Variants in ULK4 observed in about 807,000 individuals in gnomAD.
ULK4 encodes unc-51 like kinase 4, also known as inactive serine/threonine-protein kinase ULK4.
Under a neutral mutation model 160.6 loss-of-function variants are expected in ULK4, and 133 were observed. The observed-to-expected ratio is 0.83, with a 90% CI of 0.72 to 0.96. ULK4 has a LOEUF of 0.96. ULK4 is among the 40% of genes least tolerant of loss of function. The pLI is 0.00. For missense variants in ULK4, 1,580 were observed against 1,499.5 expected, an observed-to-expected ratio of 1.05 and a Z score of -0.89; for synonymous variants, 534 against 539.8, an observed-to-expected ratio of 0.99 and a Z score of 0.15.
chr3:41,559,792 G>C (rs1237423768), intron 32 of ULK4, among the ~76,000 whole-genome samples: 1 of 152,070 alleles, frequency 6.6e-6, no homozygotes, highest in Admixed American at 6.6e-5. Flanking sequence ...CAGATGGGTA[G>C]ACTGCAAAGA....
At chr3:41,636,272 T>C (rs972389654) in intron 30 of ULK4, among the ~76,000 whole-genome samples, 1 of 152,192 alleles carries the variant, frequency 6.6e-6, no homozygotes. Context: ...TGGTGGCTCA[T>C]GCCTGTAATC....
At chr3:41,702,503 A>C (rs578207566) in intron 27 of ULK4, among the ~76,000 whole-genome samples, 22 of 152,352 alleles carry the variant, frequency 1.4e-4, no homozygotes, top group African/African-American at 5.1e-4. Context: ...CTAAAACATA[A>C]AAGTAGATGT....
In ULK4 at chr3:41,911,369, G is replaced by A. The variant is rs747527998; in HGVS notation, c.1033C>T (p.Arg345Trp). ...SFRLENPTEF[R>W]PKSTLEGQLN... ...TGACCCTCAAGAGTACTCTTAGGCCGAAACTCAGTTGGATTTTCTGTAGCA... is the reference window on the plus strand; with the variant it reads ...TGACCCTCAAGAGTACTCTTAGGCCAAAACTCAGTTGGATTTTCTGTAGCA... Residue 345 changes from arginine (R) to tryptophan (W), a missense_variant, in exon 11 of 37, where the codon CGG becomes TGG. Arg to Trp is a moderately radical substitution (Grantham distance 101, BLOSUM62 -3). Transcript: ENST00000301831. 56 of 1,613,942 alleles carry A rather than the reference G, an allele frequency of 3.5e-5. No homozygotes were observed. Among genetic ancestry groups the A allele is most frequent in the South Asian group, 3.0e-4 (27 of 91,052 alleles).
chr3:41,851,109 G>A (rs1269682314), intron 17 of ULK4, among the ~76,000 whole-genome samples: 1 of 152,078 alleles, frequency 6.6e-6, no homozygotes. Flanking sequence ...ATTTCCAACA[G>A]TATGTTGAAT....
chr3:41,884,014 AG>A, intron 16 of ULK4, 62 bp from the exon 17 acceptor site: 1 of 1,163,564 alleles, frequency 8.6e-7, no homozygotes, highest in Non-Finnish European at 1.3e-6. Context: ...AACTAATCCC[AG>A]CTAGTTACAT....
chr3:41,579,587 G>A (rs528860327), intron 31 of ULK4, among the ~76,000 whole-genome samples: 8 of 143,750 alleles, frequency 5.6e-5, no homozygotes, highest in South Asian at 2.2e-4. Flanking sequence ...TCCGCCTCCC[G>A]GGTTCACGCC....
intron 2 of ULK4, among the ~76,000 whole-genome samples, chr3:41,949,032 C>T (rs1217907090): frequency 3.3e-5 from 5 of 152,094 alleles, no homozygotes; most frequent in African/African-American, 7.2e-5. Context: ...TAAGGCCAGG[C>T]GTGGTGGTTC....
At chr3:41,270,322 G>A (rs1467268565) in intron 35 of ULK4, among the ~76,000 whole-genome samples, 1 of 152,106 alleles carries the variant, frequency 6.6e-6, no homozygotes, top group Non-Finnish European at 1.5e-5. Context: ...CAGCTGGGGA[G>A]CTGTGACTTT....
chr3:41,583,303 A>C (rs2030526863), intron 31 of ULK4, among the ~76,000 whole-genome samples: 1 of 152,156 alleles, frequency 6.6e-6, no homozygotes, highest in Non-Finnish European at 1.5e-5. Context: ...TTTTATTATG[A>C]GTTTGCCTCT....
At chr3:41,290,105 C>T (rs536365882) in intron 35 of ULK4, among the ~76,000 whole-genome samples, 11 of 152,100 alleles carry the variant, frequency 7.2e-5, no homozygotes, top group Non-Finnish European at 1.3e-4. Context: ...GAACTCCTGA[C>T]GTCAGGTGAT....
chr3:41,546,569 T>C (rs1029584424), intron 32 of ULK4, among the ~76,000 whole-genome samples: 1 of 152,108 alleles, frequency 6.6e-6, no homozygotes, highest in Non-Finnish European at 1.5e-5. Flanking sequence ...TGTGAAAGTA[T>C]AGCCCAGCCT....
At chr3:41,283,734 G>A (rs776958649) in intron 35 of ULK4, among the ~76,000 whole-genome samples, 3 of 151,856 alleles carry the variant, frequency 2.0e-5, no homozygotes, top group Non-Finnish European at 4.4e-5. Context: ...CATGGCACAT[G>A]TATACCTATG....
At chr3:41,387,827 T>C (rs1328395909) in intron 35 of ULK4, among the ~76,000 whole-genome samples, 2 of 152,222 alleles carry the variant, frequency 1.3e-5, no homozygotes, top group Non-Finnish European at 2.9e-5. Flanking sequence ...AGTGCCTCAG[T>C]AAACGTACGT....
At chr3:41,650,609 C>A (rs1404322655) in intron 30 of ULK4, among the ~76,000 whole-genome samples, 1 of 152,238 alleles carries the variant, frequency 6.6e-6, no homozygotes, top group African/African-American at 2.4e-5. Context: ...CACTCACACA[C>A]CCCATGCCAC....
At chr3:41,654,794 A>T (rs1224761052) in intron 30 of ULK4, among the ~76,000 whole-genome samples, 1 of 152,248 alleles carries the variant, frequency 6.6e-6, no homozygotes, top group Non-Finnish European at 1.5e-5. Context: ...AAGAAAGGGC[A>T]AGTTAAAAAC....
intron 17 of ULK4, 62 bp from the exon 18 acceptor site, chr3:41,836,033 A>G (rs1007896426): frequency 7.7e-6 from 9 of 1,171,694 alleles, no homozygotes; most frequent in South Asian, 2.8e-5. Context: ...TCTTAAACCT[A>G]TATGTAAAAA....
At chr3:41,324,493 A>T (rs180770957) in intron 35 of ULK4, among the ~76,000 whole-genome samples, 39 of 152,350 alleles carry the variant, frequency 2.6e-4, no homozygotes, top group African/African-American at 9.4e-4. Context: ...CAGGAAAAGA[A>T]AATATGAAGT....
At chr3:41,370,955 G>C (rs961346942) in intron 35 of ULK4, among the ~76,000 whole-genome samples, 3 of 152,146 alleles carry the variant, frequency 2.0e-5, no homozygotes, top group Non-Finnish European at 2.9e-5. Flanking sequence ...CGAGCTTGGT[G>C]GGGGGAGGGG....
intron 32 of ULK4, among the ~76,000 whole-genome samples, chr3:41,537,385 C>G (rs1391205143): frequency 2.0e-5 from 3 of 152,134 alleles, no homozygotes; most frequent in African/African-American, 7.2e-5. Flanking sequence ...TCATGATATC[C>G]TCTCTATTAG....
Sources: gnomAD v4.1 joint callset for allele counts (sites outside exome capture counted in the v4.1 genomes callset) on GRCh38, gnomAD v4.1.1 for gene constraint, MANE v1.5 for transcripts, NCBI Gene and HGNC (gene_info 2026-07-23, HGNC 2026-07-21) for gene names.